The following SV2B variants were observed in gnomAD, a reference collection of about 807,000 sequenced individuals.
SV2B encodes the protein synaptic vesicle glycoprotein 2B.
In SV2B, 41 loss-of-function variants were observed where a neutral mutation model predicts 73.9. The ratio of observed to expected loss-of-function variants is 0.56; its 90% CI spans 0.43 to 0.72. SV2B has a LOEUF of 0.72. Among genes scored for constraint, SV2B ranks in the 30% least tolerant of loss-of-function variants. The pLI is 0.00. For missense variants in SV2B, 764 were observed against 857.8 expected (o/e 0.89, Z 1.37); for synonymous variants, 314 against 314.2 (o/e 1.00, Z 0.01).
At position 91,227,217 on chromosome 15, in the gene SV2B, C is replaced by A. The variant is rs372024162; in HGVS notation, c.451+503C>A. On this transcript the variant is annotated intron_variant, in intron 2 of 12. Coordinates refer to ENST00000394232, the MANE Select transcript of SV2B (RefSeq NM_001323032.3). The surrounding 1 kb of genome is among the most constrained non-coding windows in gnomAD (Gnocchi z 4.5). ...TGTTAGTAGGCTGAATGCCCACATA[C>A]CCTGGGGATGAATGGTGGGCTTAAG... Among the ~76,000 whole-genome samples, 23 of 152,278 alleles carry A rather than the reference C, an allele frequency of 1.5e-4. No individual in the cohort carries two copies. Among genetic ancestry groups the A allele is most frequent in the African/African-American group, 5.1e-4 (21 of 41,560 alleles).
rs1421251331 is a variant in SV2B at position 91,140,527 on chromosome 15, G to A, written c.-392+40164G>A. Among the ~76,000 whole-genome samples, 3 of 152,114 alleles carry A rather than the reference G, an allele frequency of 2.0e-5. No homozygotes were observed. The highest frequency in any genetic ancestry group is 4.4e-5 in the Non-Finnish European group (3 of 68,012). The stretch of plus-strand genomic sequence containing the variant: ...TTCCCACACACTTCTGGCTGAAACT[G>A]GCCCCTAGTTAGCACTAGCTCATTC... On this transcript the variant is annotated intron_variant, in intron 1 of 12. Coordinates refer to ENST00000394232, the MANE Select transcript of SV2B (RefSeq NM_001323032.3). This position sits in a 1 kb window ranked among gnomAD's most constrained non-coding sequence, Gnocchi z 4.4.
chr15:91,251,933 C>G lies in SV2B; in HGVS notation c.566C>G (p.Ala189Gly). 1 of 1,614,168 alleles carries G rather than the reference C, an allele frequency of 6.2e-7. No homozygotes were observed. The highest frequency in any genetic ancestry group is 8.5e-7 in the Non-Finnish European group (1 of 1,180,028). Reference protein sequence around the residue: ...SMSLAVNASFASLSSFVQGYG... With the variant: ...SMSLAVNASFGSLSSFVQGYG... ...TCTCTGGCCGTCAATGCCTCCTTCG[C>G]CTCCCTCTCTTCCTTCGTGCAGGGA... Residue 189 changes from alanine (A) to glycine (G), a missense_variant, in exon 3 of 13, where the codon GCC becomes GGC. Ala to Gly is a moderately conservative substitution (Grantham distance 60, BLOSUM62 0). Coordinates refer to ENST00000394232, the MANE Select transcript of SV2B (RefSeq NM_001323032.3).
intron 1 of SV2B, among the ~76,000 whole-genome samples, chr15:91,143,257 A>G (rs1054313287): frequency 1.3e-5 from 2 of 152,204 alleles, no homozygotes; most frequent in Admixed American, 6.5e-5. Flanking sequence ...TTTTCAAAAT[A>G]CAGATGCCTG....
intron 1 of SV2B, among the ~76,000 whole-genome samples, chr15:91,151,476 G>A (rs1251009315): frequency 6.6e-6 from 1 of 152,178 alleles, no homozygotes; most frequent in East Asian, 1.9e-4. Context: ...CCAATCTACA[G>A]CCCAAGAAAG....
intron 1 of SV2B, among the ~76,000 whole-genome samples, chr15:91,218,892 T>C (rs1206243234): frequency 6.6e-6 from 1 of 152,134 alleles, no homozygotes; most frequent in Admixed American, 6.5e-5. Flanking sequence ...AAGGGGACCA[T>C]CTTTTGTTAT....
In SV2B at chr15:91,252,237, C is replaced by T. The variant is rs556714993; in HGVS notation, c.633-132C>T. On this transcript the variant is annotated intron_variant, in intron 3 of 12. Transcript: ENST00000394232. This position sits in a 1 kb window ranked among gnomAD's most constrained non-coding sequence, Gnocchi z 4.6. ...CTTCCCACATGTAGAGAGGAACTAA[C>T]TGGCCGGTCTCTCAAATTCACTGGG... 1 of 1,290,476 alleles carries T rather than the reference C, an allele frequency of 7.7e-7. No homozygotes were observed. Among genetic ancestry groups the T allele is most frequent in the Non-Finnish European group, 1.1e-6 (1 of 938,730 alleles). The allele number at this position is 1,290,476 out of a possible 1,614,324, so 79.9% of individuals were successfully genotyped here. A position where few individuals can be genotyped will look rare whatever the true frequency, so the allele number is the denominator to read the frequency against.
At chr15:91,178,811 C>T (rs1461604114) in intron 1 of SV2B, among the ~76,000 whole-genome samples, 2 of 145,802 alleles carry the variant, frequency 1.4e-5, no homozygotes, top group Non-Finnish European at 3.0e-5. Flanking sequence ...TGCTAGCAGT[C>T]TATCAATTTT....
At chr15:91,149,890 C>A (rs1435260288) in intron 1 of SV2B, among the ~76,000 whole-genome samples, 3 of 152,196 alleles carry the variant, frequency 2.0e-5, no homozygotes, top group Non-Finnish European at 2.9e-5. Flanking sequence ...TAATTATATG[C>A]CACTTCTTGT....
intron 11 of SV2B, among the ~76,000 whole-genome samples, chr15:91,287,444 A>C (rs1264361719): frequency 6.6e-6 from 1 of 152,134 alleles, no homozygotes; most frequent in Non-Finnish European, 1.5e-5. Flanking sequence ...CCTCATTGCC[A>C]GTCACTTTTC....
rs541105643 is a variant in SV2B at position 91,156,413 on chromosome 15, G to C, written c.-392+56050G>C. Among the ~76,000 whole-genome samples the C allele has an allele frequency of 5.6e-4, 85 of 152,296 alleles. 1 individual carries two copies. The highest frequency in any genetic ancestry group is 3.4e-3 in the Middle Eastern group (1 of 294). The stretch of plus-strand genomic sequence containing the variant: ...GGGAATTCCAGTGTCGGAGAGGTGT[G>C]ACTCAGCCAACCGAAAACATTTTAA... On this transcript the variant is annotated intron_variant, in intron 1 of 12. Coordinates refer to ENST00000394232, the MANE Select transcript of SV2B (RefSeq NM_001323032.3).
In SV2B at chr15:91,195,240, C is replaced by A. The variant is rs141389539; in HGVS notation, c.-391-30633C>A. 2.4e-3 allele frequency among the ~76,000 whole-genome samples: 365 copies of A among 152,310 alleles called. 1 individual carries two copies. The highest frequency in any genetic ancestry group is 8.5e-3 in the African/African-American group (354 of 41,566). ...TGGTGGAATCTTGGCTCACTGCAGC[C>A]TTGACCTCCCAGGCTCAAGCGATTC... is the stretch of plus-strand genomic sequence containing the variant. On this transcript the variant is annotated intron_variant, in intron 1 of 12. Transcript: ENST00000394232.
At chr15:91,243,480 C>T (rs1192804788) in intron 2 of SV2B, among the ~76,000 whole-genome samples, 2 of 152,174 alleles carry the variant, frequency 1.3e-5, no homozygotes, top group Non-Finnish European at 1.5e-5. Context: ...TACCCCTCTG[C>T]CCCAAGGCTA....
intron 9 of SV2B, among the ~76,000 whole-genome samples, chr15:91,274,512 G>A (rs2048420390): frequency 6.6e-6 from 1 of 152,170 alleles, no homozygotes; most frequent in East Asian, 1.9e-4. Context: ...TTCAGGTGCG[G>A]TAGTTCTTGT....
chr15:91,191,660 T>G (rs1035164650), intron 1 of SV2B, among the ~76,000 whole-genome samples: 1 of 152,226 alleles, frequency 6.6e-6, no homozygotes, highest in Admixed American at 6.5e-5. Flanking sequence ...CAATTTATCT[T>G]GCCATTTGAA....
chr15:91,286,064 C>T lies in SV2B; in HGVS notation c.1708+1843C>T, dbSNP rs1288667192. ...ATATTTAATCATTCCTTATAGCCTA[C>T]TCTCTTGTGAATGTCTCTGTTTTGT... On this transcript the variant is annotated intron_variant, in intron 11 of 12. Transcript: ENST00000394232. Among the ~76,000 whole-genome samples, 7 of 152,336 alleles carry T rather than the reference C, an allele frequency of 4.6e-5. No individual in the cohort carries two copies. In the South Asian group the frequency reaches 6.2e-4, roughly 14 times the overall value.
At position 91,294,646 on chromosome 15, in the gene SV2B, G is replaced by A. The variant is rs556641373; in HGVS notation, c.*2094G>A. The A allele has an allele frequency of 1.7e-4, 26 of 151,702 alleles. No individual in the cohort carries two copies. Among genetic ancestry groups the A allele is most frequent in the African/African-American group, 5.1e-4 (21 of 41,044 alleles). The allele number at this position is 151,702 out of a possible 1,614,324, so 9.4% of individuals were successfully genotyped here. On this transcript the variant is annotated 3_prime_UTR_variant, in exon 13 of 13. Transcript: ENST00000394232. This position sits in a 1 kb window ranked among gnomAD's most constrained non-coding sequence, Gnocchi z 4.1. ...CACATCTAAAACATTATTCTTTAAT[G>A]GGATAATACAATTCATTGAGCAGCT...
rs370316095 is a variant in SV2B at position 91,251,809 on chromosome 15, C to T, written c.452-10C>T. On this transcript the variant is annotated splice_polypyrimidine_tract_variant and intron_variant, in intron 2 of 12. Transcript: ENST00000394232. ...CTCTCTATTCTCTCCTCTCCTCCCC[C>T]TCATTGCAGGGATGATAGTCTACTT... is the stretch of plus-strand genomic sequence containing the variant. The T allele has an allele frequency of 3.1e-6, 5 of 1,613,508 alleles. No individual in the cohort carries two copies. Among genetic ancestry groups the T allele is most frequent in the Non-Finnish European group, 2.5e-6 (3 of 1,179,608 alleles).
chr15:91,181,530 C>A (rs931152739), intron 1 of SV2B, among the ~76,000 whole-genome samples: 52 of 151,800 alleles, frequency 3.4e-4, no homozygotes, highest in Non-Finnish European at 5.3e-4. Flanking sequence ...CAGATTCAAC[C>A]ATGACTCCTA....
In SV2B at chr15:91,299,422, A is replaced by G. The variant is rs1052919813; in HGVS notation, c.*6870A>G. The G allele has an allele frequency of 1.3e-5, 2 of 152,224 alleles. No homozygotes were observed. Among genetic ancestry groups the G allele is most frequent in the Non-Finnish European group, 2.9e-5 (2 of 68,052 alleles). 9.4% of individuals were successfully genotyped at this position (152,224 alleles called of 1,614,324 possible). On this transcript the variant is annotated 3_prime_UTR_variant, in exon 13 of 13. Transcript: ENST00000394232. ...TATTGATATTCTAATGGTTTTAAGA[A>G]GGATAATTTTCCAAAACCTAAATGC...
Sources: gnomAD v4.1 joint callset for allele counts (sites outside exome capture counted in the v4.1 genomes callset) on GRCh38, gnomAD v4.1.1 for gene constraint, Gnocchi (gnomAD v3.1) non-coding constraint, MANE v1.5 for transcripts, NCBI Gene and HGNC (gene_info 2026-07-23, HGNC 2026-07-21) for gene names.